API5: variants seen among roughly 807,000 people sequenced by gnomAD.
API5 encodes the protein FIF.
API5 carries 6 observed loss-of-function variants against 71.9 expected under a neutral mutation model. The observed-to-expected ratio is 0.08, with a 90% CI of 0.05 to 0.16. The LOEUF (loss-of-function observed/expected upper bound fraction) is 0.16. Ranked by LOEUF, API5 falls within the 10% of genes least tolerant of loss-of-function variation. The probability of loss-of-function intolerance (pLI) is 1.00; values close to 1 mark genes in which losing one functional copy is unlikely to be tolerated. For synonymous variants in API5, 189 were observed against 221.3 expected (o/e 0.85, Z 1.30); for missense variants, 332 against 612.8 (o/e 0.54, Z 4.84).
intron 13 of API5, chr11:43,336,307 A>G (rs1855431784): frequency 2.6e-6 from 1 of 383,290 alleles, no homozygotes; most frequent in South Asian, 8.6e-5. Context: ...TCCCAGTTGC[A>G]GCTTCAAGGC....
chr11:43,316,308 A>G (rs1854667273), intron 1 of API5, among the ~76,000 whole-genome samples: 1 of 152,176 alleles, frequency 6.6e-6, no homozygotes, highest in South Asian at 2.1e-4. Flanking sequence ...CCTTCAATAA[A>G]TATTGTTAAT....
intron 13 of API5, among the ~76,000 whole-genome samples, chr11:43,336,733 G>C (rs988653997): frequency 6.6e-6 from 1 of 152,118 alleles, no homozygotes; most frequent in African/African-American, 2.4e-5. Flanking sequence ...TTTAGGCCGG[G>C]GGCAGTGGCT....
intron 6 of API5, among the ~76,000 whole-genome samples, chr11:43,324,338 TC>T (rs1005768947): frequency 2.0e-5 from 3 of 152,126 alleles, no homozygotes; most frequent in African/African-American, 7.2e-5. Context: ...TTTTAAGTCT[TC>T]CTAGAGACTT....
chr11:43,330,610 C>A, intron 11 of API5, 46 bp downstream of exon 11: 2 of 1,397,642 alleles, frequency 1.4e-6, no homozygotes, highest in South Asian at 2.5e-5. Flanking sequence ...ACCATAAAAT[C>A]ATACATTTAT....
At chr11:43,334,848 G>A (rs576966059) in intron 11 of API5, among the ~76,000 whole-genome samples, 83 of 152,072 alleles carry the variant, frequency 5.5e-4, no homozygotes, top group African/African-American at 1.9e-3. Flanking sequence ...CTATGGTGCT[G>A]GCAGTAAAGC....
intron 11 of API5, among the ~76,000 whole-genome samples, chr11:43,334,511 A>G (rs765369913): frequency 1.3e-5 from 2 of 152,130 alleles, no homozygotes; most frequent in African/African-American, 2.4e-5. Context: ...TAGTATACTC[A>G]TTTTAACTGG....
chr11:43,316,311 T>C (rs964361307), intron 1 of API5, among the ~76,000 whole-genome samples: 4 of 152,218 alleles, frequency 2.6e-5, no homozygotes, highest in African/African-American at 9.6e-5. Flanking sequence ...TCAATAAATA[T>C]TGTTAATGAT....
At chr11:43,314,274 A>G (rs1244069179) in intron 1 of API5, among the ~76,000 whole-genome samples, 1 of 152,084 alleles carries the variant, frequency 6.6e-6, no homozygotes, top group African/African-American at 2.4e-5. Context: ...CAGTAGGGGG[A>G]TAGGGTGAAA....
At chr11:43,336,123 A>G in intron 13 of API5, 129 bp downstream of exon 13, 1 of 1,231,666 alleles carries the variant, frequency 8.1e-7, no homozygotes, top group South Asian at 1.6e-5. Flanking sequence ...TAGCTTGGAG[A>G]ACTAGGGCTG....
intron 13 of API5, chr11:43,340,141 G>C (rs1165036568): frequency 4.4e-5 from 11 of 250,266 alleles, no homozygotes; most frequent in Non-Finnish European, 7.8e-6. Flanking sequence ...TTCTATGCAT[G>C]AACAGTGAAC....
Position 43,318,308 on chromosome 11 carries a change from C to T in API5, c.70-332C>T, listed in dbSNP as rs1051190895. ...ACAGGCGTGAGCCACCACGCCTGGC[C>T]CATTACAAATTTTTTAAGCATGATA... On this transcript the variant is annotated intron_variant, in intron 1 of 13. Transcript: ENST00000531273. The T allele has an allele frequency of 7.8e-6, 8 of 1,028,956 alleles. No individual in the cohort carries two copies. In the African/African-American group the frequency reaches 1.3e-4, roughly 17 times the overall value. The allele number at this position is 1,028,956 out of a possible 1,614,324, so 63.7% of individuals were successfully genotyped here.
At position 43,338,884 on chromosome 11, in the gene API5, G is replaced by A. The variant is rs1855522850; in HGVS notation, c.1492+2890G>A. ...AATAATGAGTATGATAGGGTGAAAT[G>A]TGCAGGCATCTGCATAGATGGCTCT... is the stretch of plus-strand genomic sequence containing the variant. On this transcript the variant is annotated intron_variant, in intron 13 of 13. Transcript: ENST00000531273. 1.3e-5 allele frequency among the ~76,000 whole-genome samples: 2 copies of A among 152,106 alleles called. 1 individual carries two copies. Among genetic ancestry groups the A allele is most frequent in the African/African-American group, 4.8e-5 (2 of 41,434 alleles).
At chr11:43,320,191 G>A (rs1483427185) in intron 2 of API5, among the ~76,000 whole-genome samples, 3 of 151,740 alleles carry the variant, frequency 2.0e-5, no homozygotes, top group South Asian at 2.1e-4. Context: ...GACTATAGGC[G>A]TGTGCCACCA....
intron 13 of API5, among the ~76,000 whole-genome samples, chr11:43,338,392 G>A (rs1855503328): frequency 6.6e-6 from 1 of 152,018 alleles, no homozygotes; most frequent in African/African-American, 2.4e-5. Flanking sequence ...TTTCCTTCCA[G>A]TGCACAAAGT....
At chr11:43,312,218 C>T in intron 1 of API5, 22 bp downstream of exon 1, 1 of 1,611,274 alleles carries the variant, frequency 6.2e-7, no homozygotes, top group South Asian at 1.1e-5. Flanking sequence ...CCCCGGGCGG[C>T]CTGCAGGGCC....
chr11:43,318,620 T>C lies in API5; in HGVS notation c.70-20T>C. On this transcript the variant is annotated intron_variant, in intron 1 of 13. Transcript: ENST00000531273. The stretch of plus-strand genomic sequence containing the variant: ...ATCCTTCAAAATCATGTGTCTTTCC[T>C]GCTTTATTTTTTATTTCAGCATAAA... 6.2e-7 allele frequency: 1 copy of C among 1,610,104 alleles called. No homozygotes were observed. Among genetic ancestry groups the C allele is most frequent in the Non-Finnish European group, 8.5e-7 (1 of 1,178,276 alleles).
chr11:43,312,771 G>A (rs879929034), intron 1 of API5, among the ~76,000 whole-genome samples: 1 of 152,090 alleles, frequency 6.6e-6, no homozygotes, highest in Non-Finnish European at 1.5e-5. Context: ...AAAGGTCCGC[G>A]CTCTCCCAGA....
intron 5 of API5, 30 bp from the exon 6 acceptor site, chr11:43,323,398 CAT>C (rs755872041): frequency 6.4e-7 from 1 of 1,550,708 alleles, no homozygotes; most frequent in South Asian, 1.1e-5. Context: ...AAATGATGAA[CAT>C]ACTCTTATTC....
intron 13 of API5, chr11:43,340,222 A>C: frequency 2.8e-6 from 1 of 355,276 alleles, no homozygotes; most frequent in South Asian, 2.1e-5. Flanking sequence ...AAATTAACCA[A>C]GAAGGTAAAA....
Sources: gnomAD v4.1 joint callset for allele counts (sites outside exome capture counted in the v4.1 genomes callset) on GRCh38, gnomAD v4.1.1 for gene constraint, MANE v1.5 for transcripts, NCBI Gene and HGNC (gene_info 2026-07-23, HGNC 2026-07-21) for gene names.